STK33: variants seen among roughly 807,000 people sequenced by gnomAD.
STK33 encodes serine/threonine-protein kinase 33.
Under a neutral mutation model 58.0 loss-of-function variants are expected in STK33, and 52 were observed. That is an observed-to-expected ratio of 0.90 (90% CI 0.72 to 1.13). The LOEUF is 1.13. Among genes scored for constraint, STK33 ranks in the 50% most tolerant of loss-of-function variants. STK33 has a pLI of 0.00. For synonymous variants in STK33, 215 were observed against 200.1 expected (o/e 1.07, Z -0.63); for missense variants, 630 against 604.2 (o/e 1.04, Z -0.45).
intron 11 of STK33, among the ~76,000 whole-genome samples, chr11:8,451,360 CA>C (rs901531010): frequency 2.0e-5 from 3 of 152,096 alleles, no homozygotes; most frequent in African/African-American, 7.2e-5. Flanking sequence ...AGTAGATAAA[CA>C]AAATGTGGTA....
chr11:8,455,738 G>A (rs371274731), intron 9 of STK33, among the ~76,000 whole-genome samples: 1 of 148,434 alleles, frequency 6.7e-6, no homozygotes, highest in Non-Finnish European at 1.5e-5. Flanking sequence ...GTGAGGCTGG[G>A]AGGCGGAGCT....
At chr11:8,534,185 G>A (rs1446648462) in intron 1 of STK33, among the ~76,000 whole-genome samples, 1 of 151,956 alleles carries the variant, frequency 6.6e-6, no homozygotes, top group Admixed American at 6.6e-5. Flanking sequence ...TGAGGCAGGA[G>A]AATCGCTTGA....
At chr11:8,412,180 ATAAG>A (rs1940371177) in intron 15 of STK33, among the ~76,000 whole-genome samples, 2 of 152,228 alleles carry the variant, frequency 1.3e-5, no homozygotes, top group African/African-American at 4.8e-5. Flanking sequence ...ATGTGTGTGC[ATAAG>A]TATGTATATC....
intron 1 of STK33, among the ~76,000 whole-genome samples, chr11:8,545,535 T>C (rs553947434): frequency 6.6e-6 from 1 of 152,278 alleles, no homozygotes; most frequent in African/African-American, 2.4e-5. Context: ...TGTTTAAAGA[T>C]TACTAAGTAC....
chr11:8,341,329 G>A, the STK33 span, among the ~76,000 whole-genome samples: 1 of 152,172 alleles, frequency 6.6e-6, no homozygotes, highest in African/African-American at 2.4e-5. Context: ...GCCTCCGTTG[G>A]GTTCTAATTC....
At chr11:8,491,393 A>G (rs1356123676) in intron 1 of STK33, among the ~76,000 whole-genome samples, 1 of 152,192 alleles carries the variant, frequency 6.6e-6, no homozygotes, top group Non-Finnish European at 1.5e-5. Context: ...AAGTTTAGAG[A>G]AAAAAGAGTA....
chr11:8,571,649 C>T (rs1025989953), intron 1 of STK33, among the ~76,000 whole-genome samples: 1 of 151,840 alleles, frequency 6.6e-6, no homozygotes, highest in Non-Finnish European at 1.5e-5. Context: ...CTGGCTAACA[C>T]GGTGAAACCT....
At chr11:8,509,965 G>C (rs894393409) in intron 1 of STK33, among the ~76,000 whole-genome samples, 1 of 152,102 alleles carries the variant, frequency 6.6e-6, no homozygotes, top group Non-Finnish European at 1.5e-5. Context: ...TGCTATAAAC[G>C]TGTGTGCATG....
In STK33 at chr11:8,474,424, C is replaced by T. The variant is rs149787931; in HGVS notation, c.225+257G>A. 2.6e-4 allele frequency among the ~76,000 whole-genome samples: 39 copies of T among 151,876 alleles called. No homozygotes were observed. The East Asian group carries it at 6.0e-3, about 23-fold the overall frequency. On this transcript the variant is annotated intron_variant, in intron 5 of 15. Coordinates refer to ENST00000687296, the MANE Select transcript of STK33 (RefSeq NM_001352389.2). ...AAAACCAATTCATTTCTGTATAAAC[C>T]ATTAAAAAAAGAAGTTGGTATAACG...
the STK33 span, among the ~76,000 whole-genome samples, chr11:8,364,008 T>C: frequency 6.6e-6 from 1 of 152,248 alleles, no homozygotes; most frequent in African/African-American, 2.4e-5. Flanking sequence ...TGTTCTGAGT[T>C]TGGATCTGCT....
At chr11:8,492,116 G>C (rs1221425150) in intron 1 of STK33, among the ~76,000 whole-genome samples, 2 of 152,048 alleles carry the variant, frequency 1.3e-5, no homozygotes, top group East Asian at 1.9e-4. Context: ...AATGTAAATG[G>C]GCTAAATGCC....
At chr11:8,553,167 A>AATATATATATATAT (rs56363010) in intron 1 of STK33, among the ~76,000 whole-genome samples, 8 of 68,182 alleles carry the variant, frequency 1.2e-4, no homozygotes, top group African/African-American at 2.2e-4. Context: ...CCAAAAATAA[A>AATATATATATATAT]ATATATATAT....
chr11:8,392,519 C>A lies in STK33; in HGVS notation c.1536G>T (p.Lys512Asn), dbSNP rs1353733914. The change falls in exon 16 of 16, where the codon AAG (lysine) becomes AAT (asparagine). Residue 512 changes from lysine (K) to asparagine (N), a missense_variant. Physicochemically the swap from Lys to Asn is moderately conservative, Grantham distance 94 (BLOSUM62 0). Coordinates refer to ENST00000687296, the MANE Select transcript of STK33 (RefSeq NM_001352389.2). ...AACACTGGAGGGAACCTTAGAGTTT[C>A]TTTTTGGTTCTGGACAGGGCGCCGG... ...AKSGALSRTK[K>N]KL 1.9e-6 allele frequency: 3 copies of A among 1,614,044 alleles called. No individual in the cohort carries two copies. In the African/African-American group the frequency reaches 4.0e-5, roughly 22 times the overall value.
rs747532115 is a variant in STK33 at position 8,464,828 on chromosome 11, GAAAA to G, written c.340-10_340-7del. 1.7e-5 allele frequency: 20 copies of G among 1,144,366 alleles called. No homozygotes were observed. The East Asian group carries it at 3.5e-4, about 20-fold the overall frequency. 70.9% of individuals were successfully genotyped at this position (1,144,366 alleles called of 1,614,324 possible). On this transcript the variant is annotated splice_region_variant and splice_polypyrimidine_tract_variant and intron_variant, in intron 6 of 15. Transcript: ENST00000687296. Reference sequence around the variant, plus strand: ...CTTCCAAAGGTATAGATTTCCTGGAGAAAAAAAAAAAAAGAGTTGTCTCTCTATG... The same window carrying G: ...CTTCCAAAGGTATAGATTTCCTGGAGAAAAAAAAAGAGTTGTCTCTCTATG...
At chr11:8,481,280 T>C (rs58606348) in intron 1 of STK33, among the ~76,000 whole-genome samples, 1 of 152,196 alleles carries the variant, frequency 6.6e-6, no homozygotes, top group East Asian at 1.9e-4. Flanking sequence ...CAACAACAGA[T>C]TCCAAAATCC....
intron 1 of STK33, among the ~76,000 whole-genome samples, chr11:8,521,253 G>T (rs914519670): frequency 1.1e-4 from 16 of 152,050 alleles, no homozygotes; most frequent in African/African-American, 3.9e-4. Context: ...AACCAAAACA[G>T]CATGGTACTG....
At chr11:8,383,600 T>C in the STK33 span, among the ~76,000 whole-genome samples, 4 of 152,210 alleles carry the variant, frequency 2.6e-5, no homozygotes, top group South Asian at 2.1e-4. Flanking sequence ...TGGAAGGCTA[T>C]GGAATTATGA....
At chr11:8,418,692 T>G (rs913800545) in intron 14 of STK33, among the ~76,000 whole-genome samples, 2 of 152,146 alleles carry the variant, frequency 1.3e-5, no homozygotes. Context: ...GAACTATTAA[T>G]AATTTACACT....
intron 6 of STK33, among the ~76,000 whole-genome samples, chr11:8,468,459 G>A (rs939937194): frequency 3.3e-5 from 5 of 152,004 alleles, no homozygotes; most frequent in South Asian, 2.1e-4. Context: ...AAAATTCAAC[G>A]CCCAACTAAT....
Sources: gnomAD v4.1 joint callset for allele counts (sites outside exome capture counted in the v4.1 genomes callset) on GRCh38, gnomAD v4.1.1 for gene constraint, MANE v1.5 for transcripts, NCBI Gene and HGNC (gene_info 2026-07-23, HGNC 2026-07-21) for gene names.